SLC25A48: variants seen among roughly 807,000 people sequenced by gnomAD.
SLC25A48 encodes the protein CTC-321K16.1.
In SLC25A48, 29 loss-of-function variants were observed where a neutral mutation model predicts 32.2. The ratio of observed to expected loss-of-function variants is 0.90; its 90% CI spans 0.67 to 1.23. The LOEUF (loss-of-function observed/expected upper bound fraction) is 1.23, where lower values mean the gene tolerates loss of function less well. SLC25A48 is among the 50% of genes most tolerant of loss of function. The pLI, the probability that SLC25A48 is intolerant of heterozygous loss-of-function variation, is 0.00. For synonymous variants in SLC25A48, 164 were observed against 172.3 expected (o/e 0.95, Z 0.38); for missense variants, 399 against 422.7 (o/e 0.94, Z 0.49).
chr5:135,846,200 T>G (rs1294914641), intron 2 of SLC25A48, among the ~76,000 whole-genome samples: 1 of 152,182 alleles, frequency 6.6e-6, no homozygotes, highest in African/African-American at 2.4e-5. Flanking sequence ...TCTGATGGTT[T>G]CACCTCAAAA....
At chr5:135,790,182 TATTC>T (rs1370617420) in intron 3 of SLC25A48, among the ~76,000 whole-genome samples, 2 of 151,840 alleles carry the variant, frequency 1.3e-5, no homozygotes, top group African/African-American at 4.8e-5. Flanking sequence ...AATATGATAT[TATTC>T]ATAATAATCT....
intron 1 of SLC25A48, among the ~76,000 whole-genome samples, chr5:135,589,980 G>T (rs747615660): frequency 1.3e-5 from 2 of 152,212 alleles, no homozygotes; most frequent in Non-Finnish European, 2.9e-5. Flanking sequence ...ACAGGCATAA[G>T]CCACAGTGCC....
At chr5:135,664,825 C>T (rs777007440) in intron 3 of SLC25A48, among the ~76,000 whole-genome samples, 11 of 152,104 alleles carry the variant, frequency 7.2e-5, no homozygotes, top group African/African-American at 2.4e-4. Context: ...ACTCATTGGT[C>T]GATGGGTGCT....
intron 3 of SLC25A48, among the ~76,000 whole-genome samples, chr5:135,696,953 A>G (rs1454656363): frequency 6.6e-6 from 1 of 152,234 alleles, no homozygotes. Flanking sequence ...GTCTACCTCA[A>G]GGAGAAAAGA....
chr5:135,753,677 A>G (rs967150964), intron 3 of SLC25A48, among the ~76,000 whole-genome samples: 1 of 151,928 alleles, frequency 6.6e-6, no homozygotes, highest in Non-Finnish European at 1.5e-5. Context: ...TATGCCTAAT[A>G]TTACAGGGTG....
chr5:135,684,072 A>G (rs1403126703), intron 3 of SLC25A48, among the ~76,000 whole-genome samples: 2 of 152,208 alleles, frequency 1.3e-5, no homozygotes, highest in Admixed American at 1.3e-4. Flanking sequence ...TTTTAAAGGC[A>G]TTGTTACTAT....
At chr5:135,763,827 C>A (rs1756127584) in intron 3 of SLC25A48, among the ~76,000 whole-genome samples, 1 of 151,746 alleles carries the variant, frequency 6.6e-6, no homozygotes, top group African/African-American at 2.4e-5. Flanking sequence ...AGAACCTGCT[C>A]TGCTTACAAT....
chr5:135,777,786 G>T, intron 3 of SLC25A48, among the ~76,000 whole-genome samples: 1 of 13,528 alleles, frequency 7.4e-5, no homozygotes, highest in Admixed American at 6.6e-4. Context: ...CTAATATCCG[G>T]GGGGGGGGGG....
rs900498494 is a variant in SLC25A48 at position 135,795,003 on chromosome 5, A to T, written c.-520-17520A>T. On this transcript the variant is annotated intron_variant, in intron 3 of 10. Coordinates refer to the SLC25A48 transcript ENST00000646290. Reference sequence around the variant, plus strand: ...CTAATATCCAGGTGAGGAGAGGATGATATTACACTCAATTTCCCAGGGGTT... The same window carrying T: ...CTAATATCCAGGTGAGGAGAGGATGTTATTACACTCAATTTCCCAGGGGTT... 1.2e-4 allele frequency among the ~76,000 whole-genome samples: 18 copies of T among 151,934 alleles called. No homozygotes were observed. In the East Asian group the frequency reaches 2.9e-3, roughly 25 times the overall value.
At chr5:135,797,729 T>G (rs1757223300) in intron 3 of SLC25A48, among the ~76,000 whole-genome samples, 2 of 151,662 alleles carry the variant, frequency 1.3e-5, no homozygotes. Flanking sequence ...ACCCCCCCCG[T>G]GATATTGTTC....
At chr5:135,706,921 G>A (rs190382776) in intron 3 of SLC25A48, among the ~76,000 whole-genome samples, 17 of 152,328 alleles carry the variant, frequency 1.1e-4, no homozygotes, top group African/African-American at 3.1e-4. Flanking sequence ...AATTCATGAC[G>A]GAGTCTAAGA....
intron 3 of SLC25A48, among the ~76,000 whole-genome samples, chr5:135,716,878 T>C (rs1292395471): frequency 6.6e-6 from 1 of 152,236 alleles, no homozygotes; most frequent in Non-Finnish European, 1.5e-5. Flanking sequence ...TTTTCTTTAT[T>C]GCTCCTGAAG....
intron 3 of SLC25A48, among the ~76,000 whole-genome samples, chr5:135,723,380 T>TCTCTCA (rs1356362581): frequency 1.4e-4 from 16 of 111,714 alleles, no homozygotes; most frequent in African/African-American, 4.4e-4. Flanking sequence ...TCTCTCTCTC[T>TCTCTCA]CACACACACA....
chr5:135,848,454 A>G (rs1004209011), intron 2 of SLC25A48, among the ~76,000 whole-genome samples: 1 of 152,206 alleles, frequency 6.6e-6, no homozygotes, highest in Non-Finnish European at 1.5e-5. Flanking sequence ...CTGCTTAACA[A>G]GAAGACCTTG....
chr5:135,700,797 G>A (rs1754377525), intron 3 of SLC25A48, among the ~76,000 whole-genome samples: 1 of 152,218 alleles, frequency 6.6e-6, no homozygotes, highest in African/African-American at 2.4e-5. Flanking sequence ...TGCAGCTCTA[G>A]CAGGGGTGCA....
chr5:135,686,753 A>T (rs1228582274), intron 3 of SLC25A48, among the ~76,000 whole-genome samples: 2 of 152,168 alleles, frequency 1.3e-5, no homozygotes, highest in East Asian at 3.9e-4. Flanking sequence ...GGAAGGAAGG[A>T]TGGGAAGGGA....
chr5:135,711,220 A>G (rs911348180), intron 3 of SLC25A48, among the ~76,000 whole-genome samples: 44 of 152,238 alleles, frequency 2.9e-4, no homozygotes, highest in African/African-American at 9.9e-4. Context: ...TTTCTGTTGC[A>G]TGAGCTAACA....
intron 3 of SLC25A48, among the ~76,000 whole-genome samples, chr5:135,763,626 A>G (rs985178365): frequency 6.6e-6 from 1 of 152,120 alleles, no homozygotes. Flanking sequence ...GCACCACTCA[A>G]GCCAACAGGT....
intron 3 of SLC25A48, among the ~76,000 whole-genome samples, chr5:135,763,504 C>T (rs932487185): frequency 1.3e-5 from 2 of 152,038 alleles, no homozygotes; most frequent in Non-Finnish European, 2.9e-5. Flanking sequence ...CCCCAGATCC[C>T]ACAAGCGCTG....
Sources: allele counts gnomAD v4.1 joint callset (sites outside exome capture counted in the v4.1 genomes callset), GRCh38; gene constraint gnomAD v4.1.1; transcripts MANE v1.5; gene names NCBI Gene and HGNC (gene_info 2026-07-23, HGNC 2026-07-21).